Variants in CCDC83 observed in about 807,000 individuals in gnomAD.
The protein encoded by CCDC83 is coiled-coil domain containing 83.
CCDC83 carries 54 observed loss-of-function variants against 50.1 expected under a neutral mutation model. The ratio of observed to expected loss-of-function variants is 1.08; its 90% CI spans 0.87 to 1.35. The LOEUF (loss-of-function observed/expected upper bound fraction) is 1.35. Ranked by LOEUF, CCDC83 falls within the 40% of genes most tolerant of loss-of-function variation. The probability of loss-of-function intolerance (pLI) is 0.00; values close to 1 mark genes in which losing one functional copy is unlikely to be tolerated. For synonymous variants in CCDC83, 161 were observed against 153.3 expected, an observed-to-expected ratio of 1.05 and a Z score of -0.37; for missense variants, 518 against 473.9, an observed-to-expected ratio of 1.09 and a Z score of -0.86.
chr11:85,866,758 T>C (rs1230384340), intron 2 of CCDC83, among the ~76,000 whole-genome samples: 3 of 152,248 alleles, frequency 2.0e-5, no homozygotes, highest in Non-Finnish European at 2.9e-5. Context: ...TAAAGGACTT[T>C]AGTCAGAGGA....
chr11:85,907,593 G>C (rs1361830283), intron 7 of CCDC83, among the ~76,000 whole-genome samples: 1 of 152,166 alleles, frequency 6.6e-6, no homozygotes, highest in East Asian at 1.9e-4. Flanking sequence ...TTTTGCTGGG[G>C]GGCAGCTGAG....
chr11:85,872,167 G>T (rs2093241595), intron 2 of CCDC83, among the ~76,000 whole-genome samples: 1 of 152,058 alleles, frequency 6.6e-6, no homozygotes, highest in Non-Finnish European at 1.5e-5. Context: ...TGGCCAGCCT[G>T]GTCTGGAACT....
chr11:85,890,114 G>A (rs1294462803), intron 5 of CCDC83, among the ~76,000 whole-genome samples: 1 of 152,194 alleles, frequency 6.6e-6, no homozygotes, highest in Non-Finnish European at 1.5e-5. Context: ...TGGGTGAAAG[G>A]TCTTCAGAGA....
rs1045440915 is a variant in CCDC83, at chr11:85,865,420, A to G, written c.95+202A>G. 2.0e-5 allele frequency among the ~76,000 whole-genome samples: 3 copies of G among 152,278 alleles called. No individual in the cohort carries two copies. The East Asian group carries it at 5.8e-4, about 29-fold the overall frequency. ...TTGAATATAACATAGTCCAAGTAGT[A>G]GCTATGACTACTTAGACTATTTTAT... On this transcript the variant is annotated intron_variant, in intron 2 of 10. Coordinates refer to ENST00000342404, the MANE Select transcript of CCDC83 (RefSeq NM_001286159.2).
In CCDC83 at chr11:85,873,258, A is replaced by G; in HGVS notation, c.143A>G (p.Lys48Arg). 1 of 1,563,614 alleles carries G rather than the reference A, an allele frequency of 6.4e-7. No homozygotes were observed. The highest frequency in any genetic ancestry group is 8.7e-7 in the Non-Finnish European group (1 of 1,151,266). Reference sequence around the variant, plus strand: ...GTGGAGCAATTCATGTTTCAAATAAAGACACTTAGGAAAAAGAACCAAAAA... The same window carrying G: ...GTGGAGCAATTCATGTTTCAAATAAGGACACTTAGGAAAAAGAACCAAAAA... ...DAVEQFMFQI[K>R]TLRKKNQKYH... The change falls in exon 3 of 11, where the codon AAG becomes AGG. Residue 48 changes from lysine to arginine, a missense_variant. Transcript: ENST00000342404.
intron 2 of CCDC83, among the ~76,000 whole-genome samples, chr11:85,869,796 A>G (rs959208641): frequency 6.6e-6 from 1 of 152,222 alleles, no homozygotes; most frequent in African/African-American, 2.4e-5. Flanking sequence ...AAGTCCCCAT[A>G]ATAGTGTTGA....
rs1016390893 is a variant in CCDC83, at chr11:85,914,271, G to A, written c.795-1148G>A. Among the ~76,000 whole-genome samples the A allele has an allele frequency of 2.6e-5, 4 of 152,232 alleles. No individual in the cohort carries two copies. The South Asian group carries it at 6.2e-4, about 24-fold the overall frequency. ...CACTTTACTTGCTTAGCTGCTAAGCGTGAAGGGTTGTTTGCACATTTGCAA... is the reference window on the plus strand; with the variant it reads ...CACTTTACTTGCTTAGCTGCTAAGCATGAAGGGTTGTTTGCACATTTGCAA... On this transcript the variant is annotated intron_variant, in intron 8 of 10. Coordinates refer to ENST00000342404, the MANE Select transcript of CCDC83 (RefSeq NM_001286159.2).
intron 7 of CCDC83, among the ~76,000 whole-genome samples, chr11:85,908,661 G>A (rs562882245): frequency 5.9e-5 from 9 of 152,102 alleles, no homozygotes; most frequent in South Asian, 2.1e-4. Flanking sequence ...CCAGCACTTC[G>A]GGAGGCCGAA....
chr11:85,911,668 T>G (rs775400239), intron 8 of CCDC83, among the ~76,000 whole-genome samples: 38 of 152,184 alleles, frequency 2.5e-4, no homozygotes, highest in Admixed American at 9.2e-4. Flanking sequence ...ACTGCCAACA[T>G]TCAGGAGCCT....
At chr11:85,891,153 C>CT (rs1249038735) in intron 5 of CCDC83, among the ~76,000 whole-genome samples, 1 of 152,212 alleles carries the variant, frequency 6.6e-6, no homozygotes, top group Admixed American at 6.5e-5. Context: ...TTCTCTTCTA[C>CT]TTCCCACAGA....
rs781134354 is a variant in CCDC83, at chr11:85,916,147, AAGAT to A, written c.1000_1003del (p.Asp334LysfsTer14). 6.2e-7 allele frequency: 1 copy of A among 1,612,480 alleles called. No homozygotes were observed. Among genetic ancestry groups the A allele is most frequent in the Non-Finnish European group, 8.5e-7 (1 of 1,178,610 alleles). The stretch of plus-strand genomic sequence containing the variant: ...TAGCATCGAAGATCTCCAGTATGTG[AAGAT>A]AGATAAAGAGGAAAACTCAGGCACA... On this transcript the variant is annotated frameshift_variant, in exon 10 of 11. Transcript: ENST00000342404. LOFTEE classifies it high-confidence loss of function.
At chr11:85,916,914 C>T (rs1458281372) in intron 10 of CCDC83, among the ~76,000 whole-genome samples, 2 of 151,860 alleles carry the variant, frequency 1.3e-5, no homozygotes, top group Non-Finnish European at 2.9e-5. Flanking sequence ...AATTTGAGAC[C>T]AGCCTGGCCA....
At chr11:85,881,269 A>AG (rs2093298349) in intron 3 of CCDC83, among the ~76,000 whole-genome samples, 1 of 151,904 alleles carries the variant, frequency 6.6e-6, no homozygotes, top group Non-Finnish European at 1.5e-5. Flanking sequence ...GCTACTTGGG[A>AG]GGCTGAGGCA....
intron 1 of CCDC83, among the ~76,000 whole-genome samples, chr11:85,860,981 G>A (rs969201206): frequency 2.8e-5 from 4 of 141,360 alleles, no homozygotes; most frequent in Admixed American, 6.9e-5. Flanking sequence ...TCTATTACAA[G>A]CCATAAATTG....
chr11:85,857,244 G>C (rs1224131062), intron 1 of CCDC83, among the ~76,000 whole-genome samples: 1 of 152,200 alleles, frequency 6.6e-6, no homozygotes, highest in African/African-American at 2.4e-5. Flanking sequence ...ATCACCAGTT[G>C]CCTCCATAGG....
intron 2 of CCDC83, among the ~76,000 whole-genome samples, chr11:85,866,364 G>A (rs1274044050): frequency 7.4e-6 from 1 of 134,672 alleles, no homozygotes; most frequent in African/African-American, 2.5e-5. Flanking sequence ...AAGCATGGGA[G>A]ACAGACAATA....
chr11:85,915,888 C>T, intron 9 of CCDC83, 140 bp from the exon 10 acceptor site: 2 of 639,834 alleles, frequency 3.1e-6, no homozygotes, highest in Non-Finnish European at 2.7e-6. Context: ...AATGGGACTC[C>T]CTCTTACTTT....
rs758147943 is a variant in CCDC83, at chr11:85,865,257, A to G, written c.95+39A>G. ...CTGAAATCTGAAAGTTGCCATAGAT[A>G]AAAGGCAGTCATTGTTAAGACTCAT... On this transcript the variant is annotated intron_variant, in intron 2 of 10. Transcript: ENST00000342404. 10 of 1,223,902 alleles carry G rather than the reference A, an allele frequency of 8.2e-6. No homozygotes were observed. In the South Asian group the frequency reaches 1.1e-4, roughly 13 times the overall value. 75.8% of individuals were successfully genotyped at this position (1,223,902 alleles called of 1,614,324 possible). A position where few individuals can be genotyped will look rare whatever the true frequency, so the allele number is the denominator to read the frequency against.
At chr11:85,856,390 C>T (rs2093141177) in intron 1 of CCDC83, among the ~76,000 whole-genome samples, 1 of 152,008 alleles carries the variant, frequency 6.6e-6, no homozygotes, top group Non-Finnish European at 1.5e-5. Flanking sequence ...ATATTTTTCC[C>T]TTATCCTCAT....
Sources: gnomAD v4.1 joint callset for allele counts (sites outside exome capture counted in the v4.1 genomes callset) on GRCh38, gnomAD v4.1.1 for gene constraint, MANE v1.5 for transcripts, NCBI Gene and HGNC (gene_info 2026-07-23, HGNC 2026-07-21) for gene names.